Variants in SGCZ observed in about 807,000 individuals in gnomAD.
SGCZ encodes zeta-sarcoglycan.
A neutral mutation model predicts 41.3 loss-of-function variants in SGCZ; 40 were observed. The ratio of observed to expected loss-of-function variants is 0.97; its 90% CI spans 0.75 to 1.26. The LOEUF (loss-of-function observed/expected upper bound fraction) is 1.26, where lower values mean the gene tolerates loss of function less well. Among genes scored for constraint, SGCZ ranks in the 50% most tolerant of loss-of-function variants. The probability of loss-of-function intolerance (pLI) is 0.00; values close to 1 mark genes in which losing one functional copy is unlikely to be tolerated. For missense variants in SGCZ, 552 were observed against 369.8 expected (o/e 1.49, Z -4.04); for synonymous variants, 206 against 137.5 (o/e 1.50, Z -3.49).
chr8:14,587,613 G>A (rs931166151), intron 1 of SGCZ, among the ~76,000 whole-genome samples: 2 of 152,212 alleles, frequency 1.3e-5, no homozygotes, highest in African/African-American at 2.4e-5. Context: ...TCTTATTGCA[G>A]TGAACTTTAA....
chr8:14,908,690 C>T (rs1333557878), intron 1 of SGCZ, among the ~76,000 whole-genome samples: 1 of 136,740 alleles, frequency 7.3e-6, no homozygotes, highest in Admixed American at 8.7e-5. Flanking sequence ...GCGGAGCTTG[C>T]AGTGAGCCGA....
intron 1 of SGCZ, among the ~76,000 whole-genome samples, chr8:14,968,456 T>C (rs938189658): frequency 1.3e-5 from 2 of 152,104 alleles, no homozygotes; most frequent in African/African-American, 2.4e-5. Context: ...TGTTAACATT[T>C]TATTCAATAT....
At chr8:14,602,066 G>A (rs927446397) in intron 1 of SGCZ, among the ~76,000 whole-genome samples, 3 of 152,120 alleles carry the variant, frequency 2.0e-5, no homozygotes, top group Non-Finnish European at 1.5e-5. Context: ...CTTGCAGTGA[G>A]CCGAGATTGC....
chr8:14,752,670 T>C (rs1267690408), intron 1 of SGCZ, among the ~76,000 whole-genome samples: 3 of 152,168 alleles, frequency 2.0e-5, no homozygotes, highest in Non-Finnish European at 4.4e-5. Flanking sequence ...ATGTATCATA[T>C]CTCTAGAAAA....
chr8:15,204,978 T>C (rs1214736918), intron 1 of SGCZ, among the ~76,000 whole-genome samples: 1 of 152,124 alleles, frequency 6.6e-6, no homozygotes, highest in Non-Finnish European at 1.5e-5. Context: ...TCTAATTAGG[T>C]GATGAGAAAT....
intron 1 of SGCZ, among the ~76,000 whole-genome samples, chr8:15,174,628 C>T (rs368627084): frequency 1.7e-3 from 265 of 152,218 alleles, no homozygotes; most frequent in African/African-American, 5.7e-3. Flanking sequence ...TTTTCCCAAG[C>T]GATTGTACCA....
intron 1 of SGCZ, among the ~76,000 whole-genome samples, chr8:15,118,512 C>T (rs1807354937): frequency 6.6e-6 from 1 of 152,146 alleles, no homozygotes; most frequent in African/African-American, 2.4e-5. Context: ...TTCTTTTCTC[C>T]ATCCTTCTAA....
chr8:15,130,344 G>A (rs1194432410), intron 1 of SGCZ, among the ~76,000 whole-genome samples: 1 of 152,258 alleles, frequency 6.6e-6, no homozygotes, highest in African/African-American at 2.4e-5. Context: ...TGGTGCAATG[G>A]CCCACATATC....
At chr8:14,589,659 G>T (rs1374398238) in intron 1 of SGCZ, among the ~76,000 whole-genome samples, 1 of 152,062 alleles carries the variant, frequency 6.6e-6, no homozygotes, top group Non-Finnish European at 1.5e-5. Context: ...ATTCATAGTT[G>T]CATTTAATTT....
At chr8:15,065,818 A>G (rs1468814808) in intron 1 of SGCZ, among the ~76,000 whole-genome samples, 1 of 152,134 alleles carries the variant, frequency 6.6e-6, no homozygotes, top group South Asian at 2.1e-4. Context: ...TTATAAACCC[A>G]TGACTTGCTA....
intron 1 of SGCZ, among the ~76,000 whole-genome samples, chr8:14,814,147 T>G (rs1468231524): frequency 6.6e-6 from 1 of 152,168 alleles, no homozygotes; most frequent in Non-Finnish European, 1.5e-5. Flanking sequence ...ACTTTGAGTT[T>G]GAAATAATTA....
Position 15,080,444 on chromosome 8 carries a change from G to T in SGCZ, c.39+157141C>A, listed in dbSNP as rs1174665217. On this transcript the variant is annotated intron_variant, in intron 1 of 7. Transcript: ENST00000382080. Reference sequence around the variant, plus strand: ...GAGCTGGTTGGTAGTGTGCGTTAGGGACTGAATTGTGCACCCCCAACGCCA... The same window carrying T: ...GAGCTGGTTGGTAGTGTGCGTTAGGTACTGAATTGTGCACCCCCAACGCCA... 2.6e-5 allele frequency among the ~76,000 whole-genome samples: 4 copies of T among 152,052 alleles called. No individual in the cohort carries two copies. The East Asian group carries it at 7.7e-4, about 29-fold the overall frequency.
intron 1 of SGCZ, among the ~76,000 whole-genome samples, chr8:14,710,209 A>C (rs1220899505): frequency 7.6e-6 from 1 of 131,880 alleles, no homozygotes; most frequent in South Asian, 2.5e-4. Flanking sequence ...ACTAAAAAAA[A>C]CAAAAAAAAA....
At chr8:14,808,556 C>A (rs558029579) in intron 1 of SGCZ, among the ~76,000 whole-genome samples, 1 of 152,008 alleles carries the variant, frequency 6.6e-6, no homozygotes, top group Non-Finnish European at 1.5e-5. Flanking sequence ...GTTAGAATGG[C>A]GATCATTAAA....
At chr8:15,156,083 G>C (rs534225069) in intron 1 of SGCZ, among the ~76,000 whole-genome samples, 5 of 129,326 alleles carry the variant, frequency 3.9e-5, no homozygotes, top group Admixed American at 3.2e-4. Context: ...AAATAGAAGA[G>C]TGAAGTGAAG....
chr8:14,360,026 G>A lies in SGCZ; in HGVS notation c.235-35822C>T, dbSNP rs1411560177. Among the ~76,000 whole-genome samples, 5 of 152,080 alleles carry A rather than the reference G, an allele frequency of 3.3e-5. No homozygotes were observed. The East Asian group carries it at 7.7e-4, about 24-fold the overall frequency. On this transcript the variant is annotated intron_variant, in intron 2 of 7. Coordinates refer to ENST00000382080, the MANE Select transcript of SGCZ (RefSeq NM_139167.4). ...GGATAAAATTTATATAGTCATTTCAGTTAATGCTGAAAAAGCATTTGATAA... is the reference window on the plus strand; with the variant it reads ...GGATAAAATTTATATAGTCATTTCAATTAATGCTGAAAAAGCATTTGATAA...
intron 1 of SGCZ, among the ~76,000 whole-genome samples, chr8:14,588,592 CAAATA>C (rs1332807320): frequency 6.6e-6 from 1 of 151,104 alleles, no homozygotes; most frequent in Non-Finnish European, 1.5e-5. Flanking sequence ...ACTACTTGGG[CAAATA>C]AAATAAAGTA....
intron 3 of SGCZ, among the ~76,000 whole-genome samples, chr8:14,242,366 A>G (rs1798920565): frequency 1.3e-5 from 2 of 152,222 alleles, no homozygotes; most frequent in South Asian, 2.1e-4. Context: ...GAAGCTTACA[A>G]TAAAACCATC....
At chr8:14,125,124 C>T (rs1049571062) in intron 5 of SGCZ, among the ~76,000 whole-genome samples, 3 of 152,186 alleles carry the variant, frequency 2.0e-5, no homozygotes, top group African/African-American at 7.2e-5. Context: ...CTACAAACCA[C>T]TGATAAATGA....
Sources: allele counts gnomAD v4.1 joint callset (sites outside exome capture counted in the v4.1 genomes callset), GRCh38; gene constraint gnomAD v4.1.1; transcripts MANE v1.5; gene names NCBI Gene and HGNC (gene_info 2026-07-23, HGNC 2026-07-21).